Variants in ERAP1 observed in about 807,000 individuals in gnomAD.
The protein encoded by ERAP1 is endoplasmic reticulum aminopeptidase 1, also known as adipocyte-derived leucine aminopeptidase.
A neutral mutation model predicts 103.7 loss-of-function variants in ERAP1; 86 were observed. The ratio of observed to expected loss-of-function variants is 0.83; its 90% CI spans 0.70 to 0.99. ERAP1 has a LOEUF of 0.99. Ranked by LOEUF, ERAP1 falls within the 50% of genes least tolerant of loss-of-function variation. ERAP1 has a pLI of 0.00. For synonymous variants in ERAP1, 398 were observed against 402.4 expected, an observed-to-expected ratio of 0.99 and a Z score of 0.13; for missense variants, 1,009 against 1,128.4, an observed-to-expected ratio of 0.89 and a Z score of 1.52.
the ERAP1 span, among the ~76,000 whole-genome samples, chr5:96,818,426 CT>C: frequency 0.066 from 9,764 of 147,878 alleles, 376 homozygotes; most frequent in South Asian, 0.14. Flanking sequence ...AGGGAAGCCT[CT>C]TTTTTTTTTT....
chr5:96,855,756 T>A, the ERAP1 span, among the ~76,000 whole-genome samples: 1 of 152,214 alleles, frequency 6.6e-6, no homozygotes, highest in South Asian at 2.1e-4. Context: ...GATTTCACAG[T>A]CAAGAGTGAA....
At chr5:96,893,489 A>G in the ERAP1 span, among the ~76,000 whole-genome samples, 1 of 152,152 alleles carries the variant, frequency 6.6e-6, no homozygotes, top group Non-Finnish European at 1.5e-5. Context: ...CCACTGGCGC[A>G]TTTTAGGTGT....
At chr5:96,903,310 C>T in the ERAP1 span, 1 of 1,204,500 alleles carries the variant, frequency 8.3e-7, no homozygotes, top group Non-Finnish European at 1.1e-6. Context: ...TTAAAAATAA[C>T]AGTTCTGGAG....
chr5:96,765,161 A>C, intron 19 of ERAP1: 1 of 950,500 alleles, frequency 1.1e-6, no homozygotes, highest in Non-Finnish European at 1.7e-6. Context: ...TTCCTGGGCT[A>C]ATTTGCCTCT....
At chr5:96,899,846 C>T in the ERAP1 span, among the ~76,000 whole-genome samples, 8 of 152,148 alleles carry the variant, frequency 5.3e-5, no homozygotes, top group Non-Finnish European at 5.9e-5. Flanking sequence ...GAAAATTCAA[C>T]AAATTGATTC....
chr5:96,895,163 AGTT>A, the ERAP1 span: 655 of 776,066 alleles, frequency 8.4e-4, 5 homozygotes, highest in African/African-American at 0.012. Flanking sequence ...ATAAAAAAAA[AGTT>A]AGTAACTATT....
At chr5:96,902,386 A>C in the ERAP1 span, 40 of 1,349,098 alleles carry the variant, frequency 3.0e-5, no homozygotes, top group Middle Eastern at 1.8e-4. Context: ...AGGTATTTCA[A>C]TGTGGAAATT....
the ERAP1 span, among the ~76,000 whole-genome samples, chr5:96,847,484 A>T: frequency 1.3e-5 from 2 of 152,206 alleles, no homozygotes. Context: ...GGTCTAACAT[A>T]TATATACAGA....
intron 13 of ERAP1, 144 bp from the exon 14 acceptor site, chr5:96,784,224 G>T (rs547582550): frequency 1.2e-6 from 1 of 856,982 alleles, no homozygotes; most frequent in Admixed American, 2.0e-5. Context: ...GCCGGGCGCG[G>T]TGGCTCATGC....
At chr5:96,888,039 C>T in the ERAP1 span, among the ~76,000 whole-genome samples, 3 of 151,490 alleles carry the variant, frequency 2.0e-5, no homozygotes, top group East Asian at 3.9e-4. Context: ...GCAGGAGAAT[C>T]GCTTGAACCC....
chr5:96,818,527 C>T, the ERAP1 span, among the ~76,000 whole-genome samples: 2 of 150,202 alleles, frequency 1.3e-5, no homozygotes, highest in Non-Finnish European at 3.0e-5. Flanking sequence ...AGAATAACCC[C>T]AAAGAAGAAA....
intron 11 of ERAP1, among the ~76,000 whole-genome samples, chr5:96,787,414 C>T (rs562866777): frequency 1.2e-3 from 177 of 152,116 alleles, no homozygotes; most frequent in African/African-American, 4.0e-3. Flanking sequence ...TACAGGCGCC[C>T]GCCACCATGC....
At chr5:96,888,750 C>A in the ERAP1 span, among the ~76,000 whole-genome samples, 1 of 152,154 alleles carries the variant, frequency 6.6e-6, no homozygotes, top group Admixed American at 6.5e-5. Context: ...TGACAGAGGG[C>A]GGATCCAATA....
intron 7 of ERAP1, 66 bp from the exon 8 acceptor site, chr5:96,792,258 G>T: frequency 2.0e-6 from 3 of 1,534,724 alleles, no homozygotes; most frequent in Non-Finnish European, 1.8e-6. Context: ...GTCAAAGGTG[G>T]GACATTTTAT....
At chr5:96,886,523 T>G in the ERAP1 span, 1 of 587,144 alleles carries the variant, frequency 1.7e-6, no homozygotes, top group Non-Finnish European at 2.6e-6. Flanking sequence ...GAGAGGCCAT[T>G]GCCCCCCTAG....
At chr5:96,887,941 C>T in the ERAP1 span, among the ~76,000 whole-genome samples, 2 of 151,994 alleles carry the variant, frequency 1.3e-5, no homozygotes, top group Non-Finnish European at 2.9e-5. Flanking sequence ...GCCTGGCCAA[C>T]ATGGTGAAAC....
the ERAP1 span, chr5:96,909,676 A>G: frequency 2.5e-6 from 4 of 1,614,056 alleles, no homozygotes; most frequent in Non-Finnish European, 3.4e-6. Context: ...GGCTCTCTTG[A>G]AGCTGGCCTG....
chr5:96,927,550 A>T, the ERAP1 span, among the ~76,000 whole-genome samples: 3 of 150,352 alleles, frequency 2.0e-5, no homozygotes, highest in Non-Finnish European at 3.0e-5. Flanking sequence ...GCAGTGGCGC[A>T]ATCTCGGCTC....
chr5:96,786,477 TG>T lies in ERAP1; in HGVS notation c.1751del (p.Thr584LysfsTer21). On this transcript the variant is annotated frameshift_variant, in exon 12 of 19. Transcript: ENST00000443439. LOFTEE classifies it high-confidence loss of function. ...GTTTCCAAAATAAATTACCTGTTTT[TG>T]TTTTTAGCAAAAATCGATGGACCAT... ...SDMVHRFLLKTKTDVLILPEE... is the reference protein window; with the variant it reads ...SDMVHRFLLKXKTDVLILPEE... 1 of 1,608,714 alleles carries T rather than the reference TG, an allele frequency of 6.2e-7. No homozygotes were observed. Among genetic ancestry groups the T allele is most frequent in the Non-Finnish European group, 8.5e-7 (1 of 1,175,622 alleles).
Sources: gnomAD v4.1 joint callset for allele counts (sites outside exome capture counted in the v4.1 genomes callset) on GRCh38, gnomAD v4.1.1 for gene constraint, MANE v1.5 for transcripts, NCBI Gene and HGNC (gene_info 2026-07-23, HGNC 2026-07-21) for gene names.